TMIE: variants seen among roughly 807,000 people sequenced by gnomAD.
TMIE encodes the protein transmembrane inner ear.
A neutral mutation model predicts 16.8 loss-of-function variants in TMIE; 14 were observed. The ratio of observed to expected loss-of-function variants is 0.83; its 90% confidence interval spans 0.55 to 1.30. The LOEUF (loss-of-function observed/expected upper bound fraction) is 1.30, where lower values mean the gene tolerates loss of function less well. Among genes scored for constraint, TMIE ranks in the 50% most tolerant of loss-of-function variants. The pLI is 0.00. For missense variants in TMIE, 204 were observed against 205.9 expected, an observed-to-expected ratio of 0.99 and a Z score of 0.06; for synonymous variants, 75 against 87.2, an observed-to-expected ratio of 0.86 and a Z score of 0.78.
At chr3:46,706,006 G>A in intron 2 of TMIE, 99 bp downstream of exon 2, 2 of 1,270,686 alleles carry the variant, frequency 1.6e-6, no homozygotes, top group Non-Finnish European at 2.3e-6. Flanking sequence ...GGCAGTGCAA[G>A]TAGGCCAGGC....
At chr3:46,706,229 C>A (rs867950579) in intron 2 of TMIE, among the ~76,000 whole-genome samples, 2 of 152,230 alleles carry the variant, frequency 1.3e-5, no homozygotes, top group African/African-American at 4.8e-5. Context: ...GATGCTTTTC[C>A]TGCAGTTTGG....
upstream of TMIE, among the ~76,000 whole-genome samples, chr3:46,694,019 C>A (rs1052221785): frequency 9.2e-5 from 14 of 152,180 alleles, no homozygotes; most frequent in Non-Finnish European, 2.1e-4. Flanking sequence ...GCTCCGAGGC[C>A]GCCGTGCCAC....
chr3:46,699,443 T>C (rs764890941), upstream of TMIE, among the ~76,000 whole-genome samples: 3 of 152,214 alleles, frequency 2.0e-5, no homozygotes, highest in Non-Finnish European at 2.9e-5. Flanking sequence ...ACTGAGACTT[T>C]TGGGACACCC....
upstream of TMIE, among the ~76,000 whole-genome samples, chr3:46,697,758 A>G (rs575392803): frequency 6.6e-6 from 1 of 152,162 alleles, no homozygotes; most frequent in Admixed American, 6.5e-5. Flanking sequence ...ATCTGACACT[A>G]TCTCCGGGTA....
chr3:46,703,149 A>C (rs1340614488), intron 1 of TMIE, among the ~76,000 whole-genome samples: 2 of 152,014 alleles, frequency 1.3e-5, no homozygotes, highest in African/African-American at 2.4e-5. Context: ...GTCACCACCC[A>C]CCTTAGCCCT....
At chr3:46,694,888 TC>T (rs1700368000) in intron 1 of TMIE, among the ~76,000 whole-genome samples, 1 of 152,138 alleles carries the variant, frequency 6.6e-6, no homozygotes, top group Non-Finnish European at 1.5e-5. Flanking sequence ...CCTCCCCTTT[TC>T]CAGCCTTGTT....
At chr3:46,709,105 C>T (rs542668548) in intron 2 of TMIE, 21 bp from the exon 3 acceptor site, 30 of 1,613,916 alleles carry the variant, frequency 1.9e-5, no homozygotes, top group Non-Finnish European at 2.4e-5. Flanking sequence ...CCCAGCCAAG[C>T]CTGCTCTGTC....
chr3:46,694,068 G>T (rs1700335597), upstream of TMIE, among the ~76,000 whole-genome samples: 1 of 152,186 alleles, frequency 6.6e-6, no homozygotes, highest in Admixed American at 6.5e-5. Flanking sequence ...CGAGCCTGTG[G>T]TGCAGCCCCG....
In TMIE at chr3:46,701,533, G is replaced by C; in HGVS notation, c.46G>C (p.Ala16Pro). ...GGGTCCCCTCTGCGTGCTGGGCGGCGCCGCACTCGGGGTGTGCCTCGCGGG... is the reference window on the plus strand; with the variant it reads ...GGGTCCCCTCTGCGTGCTGGGCGGCCCCGCACTCGGGGTGTGCCTCGCGGG... Reference protein sequence around the residue: ...GAGPLCVLGGAALGVCLAGVA... With the variant: ...GAGPLCVLGGPALGVCLAGVA... The change falls in exon 1 of 4, where the codon GCC becomes CCC. Residue 16 changes from alanine to proline, a missense_variant. By Grantham distance (27) the Ala-to-Pro change is conservative. Coordinates refer to ENST00000643606, the MANE Select transcript of TMIE (RefSeq NM_147196.3). The surrounding 1 kb of genome is among the most constrained non-coding windows in gnomAD (Gnocchi z 4.3). 3 of 1,306,578 alleles carry C rather than the reference G, an allele frequency of 2.3e-6. No individual in the cohort carries two copies. The highest frequency in any genetic ancestry group is 2.9e-6 in the Non-Finnish European group (3 of 1,030,846). The allele number at this position is 1,306,578 out of a possible 1,614,324, so 80.9% of individuals were successfully genotyped here. A position where few individuals can be genotyped will look rare whatever the true frequency, so the allele number is the denominator to read the frequency against.
chr3:46,708,164 C>A (rs901895150), intron 2 of TMIE, among the ~76,000 whole-genome samples: 1 of 152,196 alleles, frequency 6.6e-6, no homozygotes, highest in African/African-American at 2.4e-5. Context: ...TATTCTGAGC[C>A]TGGGTGAGAC....
chr3:46,699,060 A>ATTTTTTTTTTT (rs397951323), upstream of TMIE, among the ~76,000 whole-genome samples: 4 of 84,854 alleles, frequency 4.7e-5, no homozygotes, highest in Non-Finnish European at 8.4e-5. Context: ...GGTGTTTCTT[A>ATTTTTTTTTTT]TTTTTTTTTT....
intron 2 of TMIE, among the ~76,000 whole-genome samples, chr3:46,706,391 C>G (rs1700553459): frequency 6.6e-6 from 1 of 152,182 alleles, no homozygotes; most frequent in Non-Finnish European, 1.5e-5. Flanking sequence ...CAATTAAAAG[C>G]AGGAAACCCA....
intron 2 of TMIE, 112 bp from the exon 3 acceptor site, chr3:46,709,014 T>TAGAC: frequency 7.1e-7 from 1 of 1,399,976 alleles, no homozygotes. Flanking sequence ...TGCCAGGGTC[T>TAGAC]GGTGGGTGAG....
Position 46,709,658 on chromosome 3 carries a change from T to A in TMIE, c.441T>A (p.Asn147Lys), listed in dbSNP as rs1049520303. The A allele has an allele frequency of 1.9e-6, 3 of 1,613,574 alleles. No homozygotes were observed. In the Admixed American group the frequency reaches 5.0e-5, roughly 27 times the overall value. Residue 147 changes from asparagine to lysine, a missense_variant, in exon 4 of 4, where the codon AAT becomes AAA. Asn to Lys is a moderately conservative substitution (Grantham distance 94, BLOSUM62 0). Transcript: ENST00000643606. ...VAIKVEEDEKNEAKKKKGEK is the reference protein window; with the variant it reads ...VAIKVEEDEKKEAKKKKGEK ...TCAAAGTAGAGGAGGATGAGAAGAA[T>A]GAGGCCAAGAAGAAGAAAGGAGAGA...
chr3:46,700,285 CA>C (rs1700454053), upstream of TMIE, among the ~76,000 whole-genome samples: 2 of 152,184 alleles, frequency 1.3e-5, no homozygotes, highest in Admixed American at 6.5e-5. Flanking sequence ...CGGGCCCTGA[CA>C]CTGGCAGGTG....
upstream of TMIE, among the ~76,000 whole-genome samples, chr3:46,701,044 A>C (rs1268528420): frequency 2.0e-5 from 3 of 148,708 alleles, no homozygotes; most frequent in East Asian, 2.0e-4. The surrounding 1 kb of genome is among the most constrained non-coding windows in gnomAD (Gnocchi z 4.3). Flanking sequence ...CCCCCCCCAA[A>C]CTCAAATCCA....
rs1430828788 is a variant in TMIE at position 46,709,973 on chromosome 3, C to T, written c.*285C>T. ...CGTCCCTCTGCAGATACACTGCTCT[C>T]CCCACCCAGACCTGCCTGTCTCCCA... On this transcript the variant is annotated 3_prime_UTR_variant, in exon 4 of 4. Coordinates refer to ENST00000643606, the MANE Select transcript of TMIE (RefSeq NM_147196.3). The T allele has an allele frequency of 5.9e-5, 29 of 493,518 alleles. No individual in the cohort carries two copies. In the Admixed American group the frequency reaches 9.7e-4, roughly 17 times the overall value. The allele number at this position is 493,518 out of a possible 1,614,324, so 30.6% of individuals were successfully genotyped here. A position where few individuals can be genotyped will look rare whatever the true frequency, so the allele number is the denominator to read the frequency against.
rs1700588656 is a variant in TMIE, at chr3:46,709,106, C to T, written c.212-20C>T. 5 of 1,613,840 alleles carry T rather than the reference C, an allele frequency of 3.1e-6. No homozygotes were observed. The highest frequency in any genetic ancestry group is 4.2e-6 in the Non-Finnish European group (5 of 1,180,042). On this transcript the variant is annotated intron_variant, in intron 2 of 3. Coordinates refer to ENST00000643606, the MANE Select transcript of TMIE (RefSeq NM_147196.3). ...CTCTGAACCCCAGCCCCAGCCAAGC[C>T]TGCTCTGTCCTCCCTACAGTCATCA...
At chr3:46,706,018 C>T in intron 2 of TMIE, 111 bp downstream of exon 2, 1 of 1,134,958 alleles carries the variant, frequency 8.8e-7, no homozygotes, top group South Asian at 1.2e-5. Flanking sequence ...AGGCCAGGCA[C>T]CCGCAGGAGA....
Sources: allele counts gnomAD v4.1 joint callset (sites outside exome capture counted in the v4.1 genomes callset), GRCh38; gene constraint gnomAD v4.1.1; non-coding constraint Gnocchi (gnomAD v3.1); transcripts MANE v1.5; gene names NCBI Gene and HGNC (gene_info 2026-07-23, HGNC 2026-07-21).